Variants in PITPNM2 observed in about 807,000 individuals in gnomAD.
The protein encoded by PITPNM2 is membrane-associated phosphatidylinositol transfer protein 2.
PITPNM2 carries 35 observed loss-of-function variants against 132.2 expected under a neutral mutation model. That is an observed-to-expected ratio of 0.26 (90% CI 0.20 to 0.35). The LOEUF (loss-of-function observed/expected upper bound fraction) is 0.35, where lower values mean the gene tolerates loss of function less well. PITPNM2 is among the 10% of genes least tolerant of loss of function. PITPNM2 has a pLI of 1.00. For synonymous variants in PITPNM2, 738 were observed against 799.2 expected (o/e 0.92, Z 1.29); for missense variants, 1,332 against 1,912.0 (o/e 0.70, Z 5.66).
intron 2 of PITPNM2, among the ~76,000 whole-genome samples, chr12:123,048,343 A>G (rs1013206891): frequency 3.4e-4 from 51 of 152,160 alleles, no homozygotes; most frequent in African/African-American, 1.2e-3. Context: ...ATTCATAGAG[A>G]CAGAAAGTAG....
Position 123,001,154 on chromosome 12 carries a change from G to C in PITPNM2, c.1053C>G (p.Asp351Glu). The C allele has an allele frequency of 6.2e-7, 1 of 1,613,658 alleles. No homozygotes were observed. The highest frequency in any genetic ancestry group is 1.1e-5 in the South Asian group (1 of 91,064). ...SDDEFFDAHEDLSDTEEMFPK... is the reference protein window; with the variant it reads ...SDDEFFDAHEELSDTEEMFPK... ...GGAACATTTCCTCTGTGTCGGACAG[G>C]TCCTCTGGAGAGGAGAGAGGGAAAC... Residue 351 changes from aspartate (D) to glutamate (E), a missense_variant, in exon 9 of 26, where the codon GAC (aspartate) becomes GAG (glutamate). Coordinates refer to ENST00000320201, the MANE Select transcript of PITPNM2 (RefSeq NM_020845.3).
In PITPNM2 at chr12:123,008,985, G is replaced by A. The variant is rs2039055818; in HGVS notation, c.643+865C>T. ...TTCAGGACAAGGGTGGCTGGGATGGGAGGCAGATCTAGTTCAGCCCCAGTG... is the reference window on the plus strand; with the variant it reads ...TTCAGGACAAGGGTGGCTGGGATGGAAGGCAGATCTAGTTCAGCCCCAGTG... On this transcript the variant is annotated intron_variant, in intron 6 of 25. Coordinates refer to ENST00000320201, the MANE Select transcript of PITPNM2 (RefSeq NM_020845.3). The surrounding 1 kb of genome is among the most constrained non-coding windows in gnomAD (Gnocchi z 4.1). Among the ~76,000 whole-genome samples, 1 of 152,198 alleles carries A rather than the reference G, an allele frequency of 6.6e-6. No homozygotes were observed.
chr12:123,102,141 T>A (rs1790094), intron 2 of PITPNM2, among the ~76,000 whole-genome samples: 1 of 152,000 alleles, frequency 6.6e-6, no homozygotes, highest in Admixed American at 6.5e-5. Context: ...TGCAAGGAAG[T>A]CCCCAGCAAG....
intron 2 of PITPNM2, among the ~76,000 whole-genome samples, chr12:123,048,411 GTT>G (rs529808841): frequency 1.4e-5 from 2 of 142,938 alleles, no homozygotes. Context: ...TTTTTTTTTT[GTT>G]TTTTTTTTTT....
chr12:122,989,805 C>G lies in PITPNM2; in HGVS notation c.2713G>C (p.Glu905Gln). The G allele has an allele frequency of 7.1e-7, 1 of 1,404,170 alleles. No homozygotes were observed. The highest frequency in any genetic ancestry group is 1.5e-5 in the African/African-American group (1 of 67,066). 87.0% of individuals were successfully genotyped at this position (1,404,170 alleles called of 1,614,324 possible). The change falls in exon 18 of 26, where the codon GAG (glutamate) becomes CAG (glutamine). Residue 905 changes from glutamate to glutamine, a missense_variant. Physicochemically the swap from Glu to Gln is conservative, Grantham distance 29. This residue lies in a region of PITPNM2 where 710 missense variants were observed against 911.5 expected (regional missense o/e 0.78). Coordinates refer to ENST00000320201, the MANE Select transcript of PITPNM2 (RefSeq NM_020845.3). ...PGLERAPGLP[E>Q]LDIGEVAAKW... The stretch of plus-strand genomic sequence containing the variant: ...GTGGTACCTTCTCCAATGTCCAGCT[C>G]AGGGAGGCCAGGGGCCCTCTCCAGG...
At chr12:122,989,681 G>C in intron 18 of PITPNM2, 106 bp downstream of exon 18, 1 of 1,126,912 alleles carries the variant, frequency 8.9e-7, no homozygotes, top group African/African-American at 1.6e-5. Context: ...CCAGCCCCCA[G>C]CTCCCTGTTA....
chr12:123,130,722 A>G (rs1172934043), intron 1 of PITPNM2, among the ~76,000 whole-genome samples: 1 of 152,054 alleles, frequency 6.6e-6, no homozygotes, highest in Non-Finnish European at 1.5e-5. Flanking sequence ...GGAGCTTGCA[A>G]TGAGGCGAGA....
chr12:123,015,684 T>C (rs1015855962), intron 3 of PITPNM2, among the ~76,000 whole-genome samples: 1 of 152,158 alleles, frequency 6.6e-6, no homozygotes, highest in African/African-American at 2.4e-5. Flanking sequence ...CTTTATGACC[T>C]TGGATTTGGC....
intron 1 of PITPNM2, among the ~76,000 whole-genome samples, chr12:123,123,945 A>C (rs1247005579): frequency 1.3e-5 from 2 of 151,790 alleles, no homozygotes; most frequent in African/African-American, 4.8e-5. Flanking sequence ...CAAAAAAAAA[A>C]AAAAATTAAA....
intron 3 of PITPNM2, among the ~76,000 whole-genome samples, 178 bp from the exon 4 acceptor site, chr12:123,014,220 G>T (rs953465373): frequency 6.6e-6 from 1 of 152,184 alleles, no homozygotes; most frequent in African/African-American, 2.4e-5. Context: ...TTGTGCAAGA[G>T]GCTGAAGGGG....
intron 5 of PITPNM2, among the ~76,000 whole-genome samples, chr12:123,012,064 C>T (rs1343359784): frequency 4.7e-4 from 71 of 152,174 alleles, no homozygotes; most frequent in Non-Finnish European, 7.3e-5. Flanking sequence ...CTGCACTGGC[C>T]CACATATGTG....
intron 1 of PITPNM2, among the ~76,000 whole-genome samples, chr12:123,141,456 G>C (rs1245365593): frequency 6.6e-6 from 1 of 152,142 alleles, no homozygotes; most frequent in Non-Finnish European, 1.5e-5. Context: ...CCTGGCACCA[G>C]CAACTCAAAC....
rs909320785 is a variant in PITPNM2 at position 123,058,446 on chromosome 12, T to G, written c.-95-23761A>C. On this transcript the variant is annotated intron_variant, in intron 2 of 25. Transcript: ENST00000320201. The surrounding 1 kb of genome is among the most constrained non-coding windows in gnomAD (Gnocchi z 4.0). ...CTGAAATCCTCCTTCTAGAAACCAT[T>G]AGAGGACATCTTCCCAATGCAGATG... Among the ~76,000 whole-genome samples the G allele has an allele frequency of 1.3e-5, 2 of 152,224 alleles. No individual in the cohort carries two copies. The highest frequency in any genetic ancestry group is 4.8e-5 in the African/African-American group (2 of 41,456).
intron 1 of PITPNM2, among the ~76,000 whole-genome samples, chr12:123,122,289 C>G (rs994697916): frequency 1.3e-5 from 2 of 152,052 alleles, no homozygotes; most frequent in East Asian, 1.9e-4. Flanking sequence ...ATGGTGAAAC[C>G]CCGTCCCTAC....
intron 3 of PITPNM2, among the ~76,000 whole-genome samples, chr12:123,025,137 G>A (rs888425806): frequency 2.0e-5 from 3 of 152,274 alleles, no homozygotes; most frequent in Admixed American, 1.3e-4. Context: ...ACTTTAAGCC[G>A]AGCATCTGTT....
intron 2 of PITPNM2, among the ~76,000 whole-genome samples, chr12:123,055,192 C>T (rs971407651): frequency 2.0e-5 from 3 of 152,216 alleles, no homozygotes; most frequent in Admixed American, 2.0e-4. Context: ...CGAAGTCTGT[C>T]CTCTGAGTCC....
rs1320453365 is a variant in PITPNM2 at position 122,995,581 on chromosome 12, C to T, written c.1862G>A (p.Gly621Asp). The part of the protein sequence containing the change: ...CGGGGGGGGG[G>D]GSSGGGGSSG... Reference sequence around the variant, plus strand: ...ACTGCCACCACCACCACTGCTGCCACCACCGCCACCGCCGCCACCGCCACC... The same window carrying T: ...ACTGCCACCACCACCACTGCTGCCATCACCGCCACCGCCGCCACCGCCACC... The change falls in exon 14 of 26, where the codon GGT becomes GAT. Residue 621 changes from glycine to aspartate, a missense_variant. Physicochemically the swap from Gly to Asp is moderately conservative, Grantham distance 94 (BLOSUM62 -1). This residue lies in a region of PITPNM2 where 710 missense variants were observed against 911.5 expected (regional missense o/e 0.78). Transcript: ENST00000320201. The T allele has an allele frequency of 1.3e-6, 2 of 1,579,568 alleles. No individual in the cohort carries two copies. Among genetic ancestry groups the T allele is most frequent in the East Asian group, 4.5e-5 (2 of 44,848 alleles).
chr12:123,047,757 G>GC (rs1555292300), intron 2 of PITPNM2, among the ~76,000 whole-genome samples: 1 of 151,482 alleles, frequency 6.6e-6, no homozygotes, highest in African/African-American at 2.4e-5. Context: ...AACCTAATGA[G>GC]AAAAAAAGGG....
rs1329396257 is a variant in PITPNM2, at chr12:123,145,107, T to C, written c.-200+5646A>G. 2.0e-5 allele frequency among the ~76,000 whole-genome samples: 3 copies of C among 152,152 alleles called. No individual in the cohort carries two copies. In the East Asian group the frequency reaches 5.8e-4, roughly 29 times the overall value. ...CAGGAGGATCATTGGGCCCAGGAGT[T>C]TGAAGCTGCAGTGAGCAATGATTGC... On this transcript the variant is annotated intron_variant, in intron 1 of 25. Coordinates refer to ENST00000320201, the MANE Select transcript of PITPNM2 (RefSeq NM_020845.3).
Sources: allele counts gnomAD v4.1 joint callset (sites outside exome capture counted in the v4.1 genomes callset), GRCh38; gene constraint gnomAD v4.1.1; regional missense constraint gnomAD v4.1.1; non-coding constraint Gnocchi (gnomAD v3.1); transcripts MANE v1.5; gene names NCBI Gene and HGNC (gene_info 2026-07-23, HGNC 2026-07-21).